MSANTD7: variants seen among roughly 807,000 people sequenced by gnomAD.
The protein encoded by MSANTD7 is Myb/SANT DNA binding domain containing 7.
the MSANTD7 span, chr10:14,845,804 C>CAT: frequency 1.1e-5 from 2 of 178,070 alleles, no homozygotes; most frequent in African/African-American, 4.8e-5. Flanking sequence ...TCAGGTGATC[C>CAT]ACCTGCCTCG....
the MSANTD7 span, chr10:14,843,492 C>T: frequency 1.9e-6 from 3 of 1,550,514 alleles, no homozygotes; most frequent in East Asian, 7.3e-5. Flanking sequence ...GCCCCTGCAC[C>T]AGCACCAACC....
At chr10:14,846,693 A>G in the MSANTD7 span, 1 of 967,526 alleles carries the variant, frequency 1.0e-6, no homozygotes, top group African/African-American at 1.8e-5. Context: ...GATCAAAGGA[A>G]CAGATGAATG....
chr10:14,842,524 T>A, the MSANTD7 span: 2 of 1,536,046 alleles, frequency 1.3e-6, no homozygotes, highest in African/African-American at 2.7e-5. This position sits in a 1 kb window ranked among gnomAD's most constrained non-coding sequence, Gnocchi z 5.2. Context: ...ATGTTGCCCA[T>A]GCCACAAGTA....
the MSANTD7 span, chr10:14,843,619 C>T: frequency 6.4e-6 from 10 of 1,550,426 alleles, no homozygotes; most frequent in South Asian, 1.2e-5. Context: ...GTGGGCAAGG[C>T]GAAGAAGGCG....
chr10:14,843,333 G>A, the MSANTD7 span: 1 of 1,549,900 alleles, frequency 6.5e-7, no homozygotes, highest in Non-Finnish European at 8.7e-7. Context: ...CCCTTAGCAG[G>A]AATGTTCTCT....
At chr10:14,840,245 A>G in the MSANTD7 span, 1 of 620,334 alleles carries the variant, frequency 1.6e-6, no homozygotes, top group East Asian at 3.7e-5. Flanking sequence ...TAGAAACAGC[A>G]TAGTTTGTTT....
the MSANTD7 span, chr10:14,840,059 TTA>T: frequency 2.5e-5 from 30 of 1,178,748 alleles, no homozygotes; most frequent in Middle Eastern, 2.8e-4. Context: ...TATATATATA[TTA>T]TTTTTTTTTT....
At chr10:14,839,859 C>G in the MSANTD7 span, 1 of 1,423,156 alleles carries the variant, frequency 7.0e-7, no homozygotes, top group Non-Finnish European at 9.9e-7. Context: ...ATGCACACGT[C>G]TGAATACGTC....
the MSANTD7 span, chr10:14,843,375 C>T: frequency 5.8e-6 from 9 of 1,550,806 alleles, no homozygotes; most frequent in Admixed American, 1.6e-4. Context: ...TTTCAGGGTG[C>T]TCTCAAGGGA....
chr10:14,838,426 G>T, the MSANTD7 span: 1 of 1,606,606 alleles, frequency 6.2e-7, no homozygotes. Flanking sequence ...GAGTTCACCT[G>T]GGCTGCACCT....
the MSANTD7 span, chr10:14,846,860 T>A: frequency 2.0e-6 from 2 of 985,254 alleles, no homozygotes; most frequent in Admixed American, 1.2e-4. Context: ...CTAATAAAGG[T>A]TGTGATACAC....
At chr10:14,845,910 AT>A in the MSANTD7 span, 2,855 of 559,524 alleles carry the variant, frequency 5.1e-3, 8 homozygotes, top group Middle Eastern at 8.9e-3. Context: ...TTTGTATTAG[AT>A]TTTTTTTTTC....
At chr10:14,844,558 C>T in the MSANTD7 span, 1 of 985,588 alleles carries the variant, frequency 1.0e-6, no homozygotes, top group African/African-American at 1.7e-5. Context: ...GACATATCTA[C>T]TAGTAAGCAC....
chr10:14,843,646 A>T, the MSANTD7 span: 3 of 1,549,940 alleles, frequency 1.9e-6, no homozygotes, highest in Admixed American at 2.0e-5. Flanking sequence ...GGCCAGGACT[A>T]TCGCAGCCGA....
At chr10:14,845,128 GAC>G in the MSANTD7 span, 2 of 985,288 alleles carry the variant, frequency 2.0e-6, no homozygotes, top group African/African-American at 3.5e-5. Flanking sequence ...CCACACCCCA[GAC>G]ACACACTGGG....
At chr10:14,842,336 C>T in the MSANTD7 span, 3 of 1,536,014 alleles carry the variant, frequency 2.0e-6, no homozygotes, top group Non-Finnish European at 2.6e-6. This position sits in a 1 kb window ranked among gnomAD's most constrained non-coding sequence, Gnocchi z 5.2. Context: ...ACAGGAGACA[C>T]GAACTCTTCT....
chr10:14,838,563 G>A, the MSANTD7 span: 1 of 1,153,936 alleles, frequency 8.7e-7, no homozygotes, highest in Non-Finnish European at 1.2e-6. Flanking sequence ...GCCTAGGGAT[G>A]TCGTGGAGTG....
chr10:14,842,422 G>A, the MSANTD7 span: 1 of 1,536,056 alleles, frequency 6.5e-7, no homozygotes, highest in African/African-American at 1.4e-5. This position sits in a 1 kb window ranked among gnomAD's most constrained non-coding sequence, Gnocchi z 5.2. Context: ...ATCAGGCTGT[G>A]TCTAAGCGAA....
chr10:14,841,528 A>C, the MSANTD7 span, among the ~76,000 whole-genome samples: 1 of 152,214 alleles, frequency 6.6e-6, no homozygotes, highest in Admixed American at 6.5e-5. Context: ...CAGTGTCACA[A>C]CCAAGATGCT....
Sources: allele counts gnomAD v4.1 joint callset (sites outside exome capture counted in the v4.1 genomes callset), GRCh38; gene constraint gnomAD v4.1.1; non-coding constraint Gnocchi (gnomAD v3.1); transcripts MANE v1.5; gene names NCBI Gene and HGNC (gene_info 2026-07-23, HGNC 2026-07-21).